Variants in EPM2A observed in about 807,000 individuals in gnomAD.
The protein encoded by EPM2A is EPM2A glucan phosphatase, laforin.
A neutral mutation model predicts 26.5 loss-of-function variants in EPM2A; 21 were observed. The observed-to-expected ratio is 0.79, with a 90% confidence interval of 0.56 to 1.14. EPM2A has a LOEUF of 1.14. Among genes scored for constraint, EPM2A ranks in the 50% most tolerant of loss-of-function variants. The pLI is 0.00. For missense variants in EPM2A, 458 were observed against 440.8 expected, an observed-to-expected ratio of 1.04 and a Z score of -0.35; for synonymous variants, 217 against 177.6, an observed-to-expected ratio of 1.22 and a Z score of -1.76.
intron 4 of EPM2A, among the ~76,000 whole-genome samples, chr6:145,393,789 A>T (rs1358907790): frequency 6.6e-6 from 1 of 151,900 alleles, no homozygotes; most frequent in African/African-American, 2.4e-5. Flanking sequence ...AACCATAAAA[A>T]TGGTCAGGGT....
intron 4 of EPM2A, among the ~76,000 whole-genome samples, chr6:145,448,783 AT>A (rs1779156379): frequency 6.6e-6 from 1 of 152,230 alleles, no homozygotes; most frequent in South Asian, 2.1e-4. Context: ...TAGACTAAAC[AT>A]TTGAAACTTA....
chr6:145,581,221 G>A (rs1214223246), intron 2 of EPM2A, among the ~76,000 whole-genome samples: 1 of 152,090 alleles, frequency 6.6e-6, no homozygotes, highest in African/African-American at 2.4e-5. Context: ...TGGTATGTCA[G>A]TGTGGTTTTA....
In EPM2A at chr6:145,385,373, C is replaced by A. The variant is rs558435753; in HGVS notation, c.556-1276G>T. ...TCCTTAAATATAAAGCTCATCTCAA[C>A]AATGGCTGGGTTGTTGAAAAAAATA... is the stretch of plus-strand genomic sequence containing the variant. On this transcript the variant is annotated intron_variant, in intron 4 of 4. Coordinates refer to the EPM2A transcript ENST00000638717. Among the ~76,000 whole-genome samples the A allele has an allele frequency of 1.7e-5, 2 of 120,130 alleles. 1 individual carries two copies. The highest frequency in any genetic ancestry group is 5.9e-4 in the South Asian group (2 of 3,378). The allele number at this position is 120,130 out of a possible 152,430, so 78.8% of individuals were successfully genotyped here.
At position 145,698,216 on chromosome 6, in the gene EPM2A, T is replaced by C. The variant is rs78913679; in HGVS notation, c.302-11920A>G. ...AGAGTTAAGGTCATTCAAATGCTTA[T>C]GAGAACATAGACAAAGGTCCTTGAG... is the stretch of plus-strand genomic sequence containing the variant. On this transcript the variant is annotated intron_variant, in intron 1 of 3. Transcript: ENST00000367519. Among the ~76,000 whole-genome samples, 624 of 152,320 alleles carry C rather than the reference T, an allele frequency of 4.1e-3. 17 individuals carry two copies. In the East Asian group the frequency reaches 0.069, roughly 17 times the overall value.
chr6:145,404,478 A>C (rs529991048), intron 4 of EPM2A, among the ~76,000 whole-genome samples: 1 of 152,042 alleles, frequency 6.6e-6, no homozygotes, highest in Non-Finnish European at 1.5e-5. Context: ...GGTCAGAATA[A>C]GGGCATATAC....
At chr6:145,566,268 C>T (rs1258079066) in intron 2 of EPM2A, among the ~76,000 whole-genome samples, 1 of 152,176 alleles carries the variant, frequency 6.6e-6, no homozygotes, top group Non-Finnish European at 1.5e-5. Context: ...GGGATTTGGA[C>T]CAAAAGAGCT....
At chr6:145,645,393 A>G (rs1371583352) in intron 2 of EPM2A, among the ~76,000 whole-genome samples, 3 of 152,052 alleles carry the variant, frequency 2.0e-5, no homozygotes, top group African/African-American at 7.2e-5. Flanking sequence ...TGTAGCCTCG[A>G]ATTCCTGGGC....
intron 4 of EPM2A, among the ~76,000 whole-genome samples, chr6:145,459,502 T>C (rs1402306350): frequency 1.3e-5 from 2 of 152,150 alleles, no homozygotes; most frequent in African/African-American, 4.8e-5. Context: ...CAACTCAATA[T>C]CAAAATGTCT....
At chr6:145,635,556 A>T in intron 2 of EPM2A, 70 bp from the exon 3 acceptor site, 1 of 1,458,664 alleles carries the variant, frequency 6.9e-7, no homozygotes, top group Non-Finnish European at 9.6e-7. Context: ...GCTGCATAAA[A>T]CATGTAGTAT....
chr6:145,627,406 G>C lies in EPM2A; in HGVS notation c.*10C>G. Reference sequence around the variant, plus strand: ...GGGAAATCAGGAGGGGGCAGAAGCAGGCTGACCAGCTACAGGCTACACACA... The same window carrying C: ...GGGAAATCAGGAGGGGGCAGAAGCACGCTGACCAGCTACAGGCTACACACA... On this transcript the variant is annotated 3_prime_UTR_variant, in exon 4 of 4. Coordinates refer to ENST00000367519, the MANE Select transcript of EPM2A (RefSeq NM_005670.4). 1 of 1,614,032 alleles carries C rather than the reference G, an allele frequency of 6.2e-7. No individual in the cohort carries two copies. Among genetic ancestry groups the C allele is most frequent in the African/African-American group, 1.3e-5 (1 of 75,068 alleles).
intron 2 of EPM2A, among the ~76,000 whole-genome samples, chr6:145,648,404 C>A (rs1777640200): frequency 6.6e-6 from 1 of 152,180 alleles, no homozygotes; most frequent in Admixed American, 6.5e-5. Context: ...GCCACCCATA[C>A]AATTCATCTG....
chr6:145,387,832 C>G (rs920554379), intron 4 of EPM2A, among the ~76,000 whole-genome samples: 1 of 151,806 alleles, frequency 6.6e-6, no homozygotes, highest in Non-Finnish European at 1.5e-5. Flanking sequence ...TTCCTGGAAC[C>G]AAGTGCCAAG....
intron 1 of EPM2A, among the ~76,000 whole-genome samples, chr6:145,715,140 TTC>T (rs1775545268): frequency 6.6e-6 from 1 of 152,120 alleles, no homozygotes; most frequent in Non-Finnish European, 1.5e-5. Context: ...CTTTACAGAT[TTC>T]TGTTTGACAA....
chr6:145,595,895 C>A (rs1781336774), intron 2 of EPM2A, among the ~76,000 whole-genome samples: 1 of 152,068 alleles, frequency 6.6e-6, no homozygotes, highest in Admixed American at 6.6e-5. Flanking sequence ...TAGTGTGCAT[C>A]CTTGTCAGCA....
chr6:145,536,985 G>T (rs548638023), intron 2 of EPM2A, among the ~76,000 whole-genome samples: 1 of 152,252 alleles, frequency 6.6e-6, no homozygotes, highest in African/African-American at 2.4e-5. Context: ...GAGAAGTGGG[G>T]CATCCTATGT....
exon 4 of EPM2A, chr6:145,501,656 G>GGGAA: frequency 2.5e-6 from 1 of 394,516 alleles, no homozygotes; most frequent in Admixed American, 3.0e-5. Context: ...GCAGAAGTGG[G>GGGAA]GGAAGAAGGA....
chr6:145,570,649 C>G (rs1780942295), intron 2 of EPM2A, among the ~76,000 whole-genome samples: 1 of 152,208 alleles, frequency 6.6e-6, no homozygotes, highest in Admixed American at 6.5e-5. Context: ...TTCCCTTTGC[C>G]TTCAGCAAGC....
chr6:145,457,880 C>T, intron 4 of EPM2A, among the ~76,000 whole-genome samples: 1 of 152,262 alleles, frequency 6.6e-6, no homozygotes, highest in Admixed American at 6.5e-5. Context: ...TTATTAAGAT[C>T]TATTCAAATA....
At chr6:145,403,848 C>G (rs371515156) in intron 4 of EPM2A, among the ~76,000 whole-genome samples, 22 of 152,232 alleles carry the variant, frequency 1.4e-4, no homozygotes, top group African/African-American at 4.3e-4. Context: ...AAACTATATT[C>G]CCTAGTGGTT....
Sources: allele counts gnomAD v4.1 joint callset (sites outside exome capture counted in the v4.1 genomes callset), GRCh38; gene constraint gnomAD v4.1.1; transcripts MANE v1.5; gene names NCBI Gene and HGNC (gene_info 2026-07-23, HGNC 2026-07-21).